OR4E2: variants seen among roughly 807,000 people sequenced by gnomAD.
OR4E2 encodes the protein olfactory receptor family 4 subfamily E member 2, also known as olfactory receptor 4E2.
In OR4E2, 9 loss-of-function variants were observed where a neutral mutation model predicts 11.0. The observed-to-expected ratio is 0.82, with a 90% CI of 0.49 to 1.43. The LOEUF (loss-of-function observed/expected upper bound fraction) is 1.43, where lower values mean the gene tolerates loss of function less well. Among genes scored for constraint, OR4E2 ranks in the 40% most tolerant of loss-of-function variants. The pLI is 0.00. For missense variants in OR4E2, 441 were observed against 382.0 expected (o/e 1.15, Z -1.29); for synonymous variants, 159 against 147.3 (o/e 1.08, Z -0.57).
chr14:21,655,879 G>A (rs1879913876), intron 1 of OR4E2, among the ~76,000 whole-genome samples: 1 of 152,182 alleles, frequency 6.6e-6, no homozygotes, highest in African/African-American at 2.4e-5. Context: ...GCAAGTAGAC[G>A]TAGTTCTGTC....
In OR4E2 at chr14:21,665,856, T is replaced by C. The variant is rs1303771018; in HGVS notation, c.774T>C (p.Tyr258=). ...TCTTTGGGCCATGTATCTTCATCTATACTCGGCCAGACACCAGCTTCTCCA... is the reference window on the plus strand; with the variant it reads ...TCTTTGGGCCATGTATCTTCATCTACACTCGGCCAGACACCAGCTTCTCCA... ...ALFFGPCIFI[Y]TRPDTSFSID... is the part of the protein sequence containing the mutation. Residue 258 remains tyrosine, a synonymous_variant, in exon 4 of 4, where the codon TAT becomes TAC. Transcript: ENST00000641524. 1.2e-6 allele frequency: 2 copies of C among 1,610,012 alleles called. No individual in the cohort carries two copies. Among genetic ancestry groups the C allele is most frequent in the Non-Finnish European group, 1.7e-6 (2 of 1,177,844 alleles).
intron 1 of OR4E2, 70 bp from the exon 2 acceptor site, chr14:21,656,432 C>T (rs1026006666): frequency 6.6e-6 from 1 of 151,940 alleles, no homozygotes; most frequent in Non-Finnish European, 1.5e-5. Context: ...AAGCCAGTTA[C>T]TAATATCCAA....
Position 21,665,306 on chromosome 14 carries a change from C to T in OR4E2, c.224C>T (p.Ser75Phe), listed in dbSNP as rs1294611511. The T allele has an allele frequency of 1.2e-6, 2 of 1,614,066 alleles. No homozygotes were observed. Among genetic ancestry groups the T allele is most frequent in the Non-Finnish European group, 1.7e-6 (2 of 1,179,904 alleles). The change falls in exon 4 of 4, where the codon TCT becomes TTT. Residue 75 changes from serine to phenylalanine, a missense_variant. By Grantham distance (155) the Ser-to-Phe change is radical (BLOSUM62 -2). Transcript: ENST00000641524. ...TCCTTTATTGACATCTGCCACTCATCTGTCACTGTGCCTAAGATGTTGGAG... is the reference window on the plus strand; with the variant it reads ...TCCTTTATTGACATCTGCCACTCATTTGTCACTGTGCCTAAGATGTTGGAG... ...NLSFIDICHS[S>F]VTVPKMLEGL...
intron 3 of OR4E2, among the ~76,000 whole-genome samples, chr14:21,662,702 T>C (rs1457962814): frequency 6.6e-6 from 1 of 152,222 alleles, no homozygotes; most frequent in Non-Finnish European, 1.5e-5. Flanking sequence ...TTGTCACTAT[T>C]GTTCCTAATG....
intron 2 of OR4E2, among the ~76,000 whole-genome samples, chr14:21,657,726 G>A (rs1327698370): frequency 6.6e-6 from 1 of 151,788 alleles, no homozygotes; most frequent in African/African-American, 2.4e-5. Flanking sequence ...AAGTAGCTGG[G>A]ATTATAGGCA....
At chr14:21,664,057 G>T (rs1444328502) in intron 3 of OR4E2, among the ~76,000 whole-genome samples, 1 of 152,188 alleles carries the variant, frequency 6.6e-6, no homozygotes, top group Non-Finnish European at 1.5e-5. Flanking sequence ...GTGCTGCAAT[G>T]AGCATACATG....
chr14:21,662,296 TTA>T (rs1179395680), intron 3 of OR4E2, among the ~76,000 whole-genome samples: 1 of 151,964 alleles, frequency 6.6e-6, no homozygotes, highest in Non-Finnish European at 1.5e-5. Flanking sequence ...ATATATTTTG[TTA>T]TTATTATTAT....
At chr14:21,664,671 T>C (rs565622736) in intron 3 of OR4E2, among the ~76,000 whole-genome samples, 2 of 152,296 alleles carry the variant, frequency 1.3e-5, no homozygotes, top group East Asian at 3.9e-4. Context: ...GTTGCAGGCT[T>C]TGAATGTATA....
At position 21,667,433 on chromosome 14, in the gene OR4E2, A is replaced by G. The variant is rs761723313; in HGVS notation, c.*1409A>G. On this transcript the variant is annotated 3_prime_UTR_variant, in exon 4 of 4. Coordinates refer to ENST00000641524, the MANE Select transcript of OR4E2 (RefSeq NM_001001912.3). ...TTAGTAATCAAAAGGACAAAGAATC[A>G]GAAGCAGTCTATTCATTAAACTGAG... 5.1e-4 allele frequency: 78 copies of G among 152,350 alleles called. No homozygotes were observed. Among genetic ancestry groups the G allele is most frequent in the Non-Finnish European group, 5.9e-5 (4 of 68,024 alleles). 9.4% of individuals were successfully genotyped at this position (152,350 alleles called of 1,614,324 possible). A position where few individuals can be genotyped will look rare whatever the true frequency, so the allele number is the denominator to read the frequency against.
intron 3 of OR4E2, among the ~76,000 whole-genome samples, chr14:21,664,565 T>C (rs1880521667): frequency 1.3e-5 from 2 of 152,194 alleles, no homozygotes; most frequent in Non-Finnish European, 2.9e-5. Flanking sequence ...GGAGGTAGGA[T>C]GCCTGGAGGA....
intron 2 of OR4E2, among the ~76,000 whole-genome samples, chr14:21,657,737 T>G (rs1880090127): frequency 1.3e-5 from 2 of 151,842 alleles, no homozygotes; most frequent in Non-Finnish European, 2.9e-5. Flanking sequence ...ATTATAGGCA[T>G]GCGCCACCAC....
At position 21,666,475 on chromosome 14, in the gene OR4E2, A is replaced by G. The variant is rs1267365625; in HGVS notation, c.*451A>G. 1 of 153,208 alleles carries G rather than the reference A, an allele frequency of 6.5e-6. No homozygotes were observed. The highest frequency in any genetic ancestry group is 1.5e-5 in the Non-Finnish European group (1 of 68,790). 9.5% of individuals were successfully genotyped at this position (153,208 alleles called of 1,614,324 possible). Reference sequence around the variant, plus strand: ...TTCCAATATATTTTCAAGTGTATAAATAAGCCTTTACTTATTTATATTGAA... The same window carrying G: ...TTCCAATATATTTTCAAGTGTATAAGTAAGCCTTTACTTATTTATATTGAA... On this transcript the variant is annotated 3_prime_UTR_variant, in exon 4 of 4. Coordinates refer to ENST00000641524, the MANE Select transcript of OR4E2 (RefSeq NM_001001912.3).
Sources: gnomAD v4.1 joint callset for allele counts (sites outside exome capture counted in the v4.1 genomes callset) on GRCh38, gnomAD v4.1.1 for gene constraint, MANE v1.5 for transcripts, NCBI Gene and HGNC (gene_info 2026-07-23, HGNC 2026-07-21) for gene names.